PDZD2: variants seen among roughly 807,000 people sequenced by gnomAD.
PDZD2 encodes PDZ domain-containing protein 2.
PDZD2 carries 90 observed loss-of-function variants against 220.7 expected under a neutral mutation model. The ratio of observed to expected loss-of-function variants is 0.41; its 90% CI spans 0.34 to 0.49. PDZD2 has a LOEUF of 0.49. Ranked by LOEUF, PDZD2 falls within the 20% of genes least tolerant of loss-of-function variation. The pLI is 0.28. For synonymous variants in PDZD2, 1,375 were observed against 1,450.5 expected (o/e 0.95, Z 1.18); for missense variants, 3,174 against 3,608.5 (o/e 0.88, Z 3.08).
intron 23 of PDZD2, chr5:32,100,273 G>T: frequency 1.2e-5 from 2 of 165,320 alleles, no homozygotes; most frequent in South Asian, 1.6e-4. Flanking sequence ...AGTGAACAGT[G>T]AACAGAGGAA....
chr5:31,725,862 G>A (rs2150151611), intron 1 of PDZD2: 1 of 775,012 alleles, frequency 1.3e-6, no homozygotes, highest in Non-Finnish European at 2.3e-6. Context: ...CTACGCCGTG[G>A]TCTTCCAGTT....
intron 1 of PDZD2, among the ~76,000 whole-genome samples, chr5:31,778,625 CG>C (rs1752862693): frequency 6.6e-6 from 1 of 152,124 alleles, no homozygotes; most frequent in African/African-American, 2.4e-5. Flanking sequence ...ACTCCGAACA[CG>C]TCCGAACGTC....
intron 23 of PDZD2, chr5:32,100,606 G>A (rs11749184): frequency 0.059 from 20,442 of 344,534 alleles, 870 homozygotes; most frequent in East Asian, 0.21. Flanking sequence ...AGCTCTCTGG[G>A]TTCCTGGGGG....
intron 5 of PDZD2, among the ~76,000 whole-genome samples, chr5:32,006,197 A>T (rs1046788227): frequency 6.6e-6 from 1 of 151,666 alleles, no homozygotes; most frequent in East Asian, 1.9e-4. Context: ...AGCTGGTTAT[A>T]GCAAGAACTG....
At chr5:31,668,165 C>T (rs971235123) in intron 1 of PDZD2, among the ~76,000 whole-genome samples, 1 of 152,184 alleles carries the variant, frequency 6.6e-6, no homozygotes, top group Non-Finnish European at 1.5e-5. Context: ...TTGGCCCAAA[C>T]TGCCTTTTTT....
At chr5:31,835,176 C>T (rs1756872210) in intron 2 of PDZD2, among the ~76,000 whole-genome samples, 1 of 152,278 alleles carries the variant, frequency 6.6e-6, no homozygotes, top group East Asian at 1.9e-4. Context: ...GACTTCTTCT[C>T]GTGTACATAA....
rs1225382915 is a variant in PDZD2, at chr5:31,740,532, A to G, written c.-360-58357A>G. ...AGAGCAAGACTCCGTCTCAAAAAAA[A>G]AAAAAAAAAAAAAAAAAAAAAAAAA... On this transcript the variant is annotated intron_variant, in intron 1 of 24. Coordinates refer to ENST00000438447, the MANE Select transcript of PDZD2 (RefSeq NM_178140.4). 6.8e-3 allele frequency among the ~76,000 whole-genome samples: 425 copies of G among 62,188 alleles called. 4 individuals are homozygous for G. The highest frequency in any genetic ancestry group is 0.034 in the South Asian group (66 of 1,926). The allele number at this position is 62,188 out of a possible 152,430, so 40.8% of individuals were successfully genotyped here.
chr5:31,825,847 G>A (rs546891762), intron 2 of PDZD2, among the ~76,000 whole-genome samples: 9 of 152,132 alleles, frequency 5.9e-5, no homozygotes, highest in Non-Finnish European at 7.3e-5. Context: ...CAATCACAAC[G>A]GCTGTTTCCA....
chr5:31,810,416 C>G (rs1187325705), intron 2 of PDZD2, among the ~76,000 whole-genome samples: 2 of 151,920 alleles, frequency 1.3e-5, no homozygotes, highest in African/African-American at 4.8e-5. Context: ...GTGCCCACCA[C>G]CACGCCTCAC....
chr5:32,071,927 T>C (rs954936231), intron 16 of PDZD2, among the ~76,000 whole-genome samples: 2 of 152,124 alleles, frequency 1.3e-5, no homozygotes, highest in Admixed American at 1.3e-4. Context: ...TTGCCAAAAA[T>C]TTAGCCAAAA....
intron 18 of PDZD2, 142 bp downstream of exon 18, chr5:32,074,785 T>TTAAA: frequency 1.6e-6 from 1 of 629,958 alleles, no homozygotes; most frequent in Non-Finnish European, 2.8e-6. Flanking sequence ...AGTCAGTCAC[T>TTAAA]TAAATACCTG....
intron 2 of PDZD2, among the ~76,000 whole-genome samples, chr5:31,818,850 C>G (rs1755636240): frequency 6.6e-6 from 1 of 152,152 alleles, no homozygotes; most frequent in Admixed American, 6.5e-5. Context: ...AGTCTGTGAC[C>G]ATGTGCCTAC....
intron 1 of PDZD2, among the ~76,000 whole-genome samples, chr5:31,663,881 G>A (rs754719056): frequency 8.6e-5 from 13 of 152,044 alleles, no homozygotes; most frequent in African/African-American, 2.7e-4. Context: ...GTGTGTATGC[G>A]GGCACAAGTG....
intron 2 of PDZD2, among the ~76,000 whole-genome samples, chr5:31,902,980 A>G (rs1189465229): frequency 6.6e-6 from 1 of 152,146 alleles, no homozygotes; most frequent in Non-Finnish European, 1.5e-5. Context: ...TGCAAATAAT[A>G]TATATGATAA....
intron 1 of PDZD2, among the ~76,000 whole-genome samples, chr5:31,667,319 G>C (rs919964016): frequency 6.6e-6 from 1 of 151,758 alleles, no homozygotes. Context: ...ATACAGGGGT[G>C]AGTGAGACAC....
intron 2 of PDZD2, among the ~76,000 whole-genome samples, chr5:31,877,751 A>G (rs2150331735): frequency 6.6e-6 from 1 of 152,272 alleles, no homozygotes; most frequent in Non-Finnish European, 1.5e-5. Flanking sequence ...ATGCAGTGGC[A>G]TGATCTTGGC....
chr5:32,025,761 C>A (rs1257639709), intron 6 of PDZD2, among the ~76,000 whole-genome samples: 2 of 151,444 alleles, frequency 1.3e-5, no homozygotes, highest in Admixed American at 6.6e-5. Flanking sequence ...CCACAATGCC[C>A]AGCTAATTTT....
chr5:32,056,437 A>G lies in PDZD2; in HGVS notation c.1901-1218A>G, dbSNP rs144672733. On this transcript the variant is annotated intron_variant, in intron 10 of 24. Transcript: ENST00000438447. ...TACAGAGTCCCTCTTCTCTACAGCAATGCTGTGCAAAGTTCATCTGTTCTT... is the reference window on the plus strand; with the variant it reads ...TACAGAGTCCCTCTTCTCTACAGCAGTGCTGTGCAAAGTTCATCTGTTCTT... Among the ~76,000 whole-genome samples, 13 of 152,292 alleles carry G rather than the reference A, an allele frequency of 8.5e-5. 1 individual carries two copies. The highest frequency in any genetic ancestry group is 3.1e-4 in the African/African-American group (13 of 41,568).
intron 2 of PDZD2, among the ~76,000 whole-genome samples, chr5:31,853,600 G>T (rs905234089): frequency 3.9e-5 from 6 of 152,144 alleles, no homozygotes; most frequent in African/African-American, 1.4e-4. Context: ...GCCCCTCCTG[G>T]GCTTTAATTA....
Sources: allele counts gnomAD v4.1 joint callset (sites outside exome capture counted in the v4.1 genomes callset), GRCh38; gene constraint gnomAD v4.1.1; transcripts MANE v1.5; gene names NCBI Gene and HGNC (gene_info 2026-07-23, HGNC 2026-07-21).